INSC: variants seen among roughly 807,000 people sequenced by gnomAD.
The protein encoded by INSC is protein inscuteable homolog.
In INSC, 67 loss-of-function variants were observed where a neutral mutation model predicts 58.6. That is an observed-to-expected ratio of 1.14 (90% confidence interval 0.94 to 1.40). The LOEUF (loss-of-function observed/expected upper bound fraction) is 1.40, where lower values mean the gene tolerates loss of function less well. Ranked by LOEUF, INSC falls within the 40% of genes most tolerant of loss-of-function variation. INSC has a pLI of 0.00. For synonymous variants in INSC, 262 were observed against 276.1 expected (o/e 0.95, Z 0.51); for missense variants, 714 against 692.0 (o/e 1.03, Z -0.36).
intron 8 of INSC, among the ~76,000 whole-genome samples, chr11:15,222,989 C>T (rs1220768818): frequency 6.6e-6 from 1 of 152,108 alleles, no homozygotes; most frequent in Non-Finnish European, 1.5e-5. Context: ...TCACTTATGC[C>T]AGGAGTCTCA....
At position 15,162,105 on chromosome 11, in the gene INSC, G is replaced by A. The variant is rs529092949; in HGVS notation, c.56+12875G>A. On this transcript the variant is annotated intron_variant, in intron 2 of 12. Transcript: ENST00000379556. ...TGTTGGGTTATAGAGAAGTATATGG[G>A]CTAGATGGACCCAGCTGACATCTGG... is the stretch of plus-strand genomic sequence containing the variant. 9.2e-5 allele frequency among the ~76,000 whole-genome samples: 14 copies of A among 152,270 alleles called. No homozygotes were observed. The East Asian group carries it at 1.3e-3, about 15-fold the overall frequency.
At chr11:15,173,405 T>G (rs1849467644) in intron 2 of INSC, among the ~76,000 whole-genome samples, 1 of 152,154 alleles carries the variant, frequency 6.6e-6, no homozygotes, top group Non-Finnish European at 1.5e-5. Context: ...TTAAAGTTAG[T>G]TGGCTGAGAT....
chr11:15,200,187 AC>A (rs1850526390), intron 6 of INSC, among the ~76,000 whole-genome samples: 3 of 151,490 alleles, frequency 2.0e-5, no homozygotes, highest in Admixed American at 2.0e-4. Context: ...ACACACACAC[AC>A]ACAAACAGGA....
intron 6 of INSC, among the ~76,000 whole-genome samples, chr11:15,195,671 C>G (rs1186388717): frequency 6.6e-6 from 1 of 152,194 alleles, no homozygotes; most frequent in Admixed American, 6.5e-5. Flanking sequence ...CTGTCAGGAC[C>G]AGGCCTTAAC....
At chr11:15,162,373 A>G (rs957612051) in intron 2 of INSC, among the ~76,000 whole-genome samples, 3 of 152,216 alleles carry the variant, frequency 2.0e-5, no homozygotes, top group African/African-American at 7.2e-5. Flanking sequence ...TGCAATGGTC[A>G]GTACCCATAT....
intron 1 of INSC, among the ~76,000 whole-genome samples, chr11:15,128,449 A>G (rs1285493918): frequency 6.6e-6 from 1 of 152,212 alleles, no homozygotes; most frequent in East Asian, 1.9e-4. Context: ...TCAAATGTAT[A>G]TTATTATCCC....
At chr11:15,206,270 C>T (rs569628450) in intron 7 of INSC, among the ~76,000 whole-genome samples, 8 of 152,258 alleles carry the variant, frequency 5.3e-5, no homozygotes, top group East Asian at 1.9e-4. Flanking sequence ...GTGGGGTTGC[C>T]GGTGTAGGCA....
At chr11:15,256,199 T>C in the INSC span, among the ~76,000 whole-genome samples, 1 of 152,184 alleles carries the variant, frequency 6.6e-6, no homozygotes. Context: ...GCTCACACCA[T>C]TCCCAACTGC....
In INSC at chr11:15,143,107, G is replaced by A. The variant is rs571312316; in HGVS notation, c.-45-6023G>A. Among the ~76,000 whole-genome samples, 39 of 152,308 alleles carry A rather than the reference G, an allele frequency of 2.6e-4. 1 individual carries two copies. In the South Asian group the frequency reaches 7.7e-3, roughly 30 times the overall value. ...TGATATTATGCACAAGCCTATGTCA[G>A]GCACGGGGGGTATGGCAGTGAGTGG... On this transcript the variant is annotated intron_variant, in intron 1 of 12. Transcript: ENST00000379556.
downstream of INSC, among the ~76,000 whole-genome samples, chr11:15,247,708 C>T (rs1945599): frequency 0.14 from 18,311 of 134,854 alleles, 1,301 homozygotes; most frequent in African/African-American, 0.18. Context: ...AGTCCTTATA[C>T]AAAGCTTCCA....
At chr11:15,247,802 T>C (rs1194695870), downstream of INSC, among the ~76,000 whole-genome samples, 1 of 150,242 alleles carries the variant, frequency 6.7e-6, no homozygotes, top group Non-Finnish European at 1.5e-5. Flanking sequence ...ACTTTCATTA[T>C]ATGATATCAA....
chr11:15,245,314 G>A (rs1370504240), intron 12 of INSC, among the ~76,000 whole-genome samples: 1 of 152,038 alleles, frequency 6.6e-6, no homozygotes, highest in Non-Finnish European at 1.5e-5. Flanking sequence ...AGGAGGAGGG[G>A]GTATAGCTCA....
At position 15,121,938 on chromosome 11, in the gene INSC, C is replaced by T. The variant is rs150525234; in HGVS notation, c.-46+6935C>T. 7.7e-3 allele frequency among the ~76,000 whole-genome samples: 1,180 copies of T among 152,294 alleles called. 15 individuals carry two copies. The highest frequency in any genetic ancestry group is 0.027 in the African/African-American group (1,128 of 41,540). On this transcript the variant is annotated intron_variant, in intron 1 of 12. Transcript: ENST00000379556. ...TCTCTGTGCTCTTCCTTACTATTTA[C>T]TATAGCAAGAAGTTACAGGCTTAGT...
chr11:15,121,655 A>T (rs1185650333), intron 1 of INSC, among the ~76,000 whole-genome samples: 1 of 152,194 alleles, frequency 6.6e-6, no homozygotes. Flanking sequence ...TATCAAACTT[A>T]TACCCACTGA....
chr11:15,111,684 GCCACAGACAGGTGATTTAAA>G (rs1847578871), upstream of INSC, among the ~76,000 whole-genome samples: 1 of 152,082 alleles, frequency 6.6e-6, no homozygotes, highest in South Asian at 2.1e-4. Context: ...CAGCTGTGAG[GCCACAGACAGGTGATTTAAA>G]CCACCTGGCC....
chr11:15,179,994 C>T (rs188277077), intron 5 of INSC, among the ~76,000 whole-genome samples: 29 of 152,254 alleles, frequency 1.9e-4, no homozygotes, highest in Admixed American at 1.4e-3. Context: ...CAGTGGCTCA[C>T]GCCTGTAATT....
intron 1 of INSC, among the ~76,000 whole-genome samples, chr11:15,145,072 C>T (rs1457150556): frequency 6.6e-6 from 1 of 152,210 alleles, no homozygotes; most frequent in Non-Finnish European, 1.5e-5. Context: ...CTTTTCACCT[C>T]TCTTCCTGGG....
chr11:15,250,965 T>C (rs1225089906), downstream of INSC, among the ~76,000 whole-genome samples: 1 of 152,184 alleles, frequency 6.6e-6, no homozygotes, highest in African/African-American at 2.4e-5. Context: ...TGAAAATTAA[T>C]TAAAGGCTTG....
intron 2 of INSC, among the ~76,000 whole-genome samples, chr11:15,161,664 G>A (rs1849024532): frequency 6.6e-6 from 1 of 152,214 alleles, no homozygotes; most frequent in South Asian, 2.1e-4. Flanking sequence ...TGCTGGGGCA[G>A]GATTTACACT....
Sources: allele counts gnomAD v4.1 joint callset (sites outside exome capture counted in the v4.1 genomes callset), GRCh38; gene constraint gnomAD v4.1.1; transcripts MANE v1.5; gene names NCBI Gene and HGNC (gene_info 2026-07-23, HGNC 2026-07-21).